The following PCDH7 variants were observed in gnomAD, a reference collection of about 807,000 sequenced individuals.
The protein encoded by PCDH7 is protocadherin 7.
Under a neutral mutation model 58.9 loss-of-function variants are expected in PCDH7, and 17 were observed. That is an observed-to-expected ratio of 0.29 (90% CI 0.20 to 0.43). PCDH7 has a LOEUF of 0.43. PCDH7 is among the 20% of genes least tolerant of loss of function. PCDH7 has a pLI of 1.00. For synonymous variants in PCDH7, 664 were observed against 616.4 expected (o/e 1.08, Z -1.14); for missense variants, 1,274 against 1,441.0 (o/e 0.88, Z 1.88).
At chr4:30,962,872 AT>A (rs1178112363) in intron 3 of PCDH7, among the ~76,000 whole-genome samples, 2 of 150,898 alleles carry the variant, frequency 1.3e-5, no homozygotes, top group Non-Finnish European at 2.9e-5. Context: ...TTGACTTAAT[AT>A]TAGTACGTAT....
intron 1 of PCDH7, among the ~76,000 whole-genome samples, chr4:30,828,759 T>C (rs1729411353): frequency 6.6e-6 from 1 of 152,076 alleles, no homozygotes; most frequent in Admixed American, 6.6e-5. Flanking sequence ...TGTGCAATTA[T>C]GGCTGCTGAA....
At chr4:31,048,170 T>C (rs781673068) in intron 3 of PCDH7, among the ~76,000 whole-genome samples, 3 of 151,990 alleles carry the variant, frequency 2.0e-5, no homozygotes, top group Non-Finnish European at 4.4e-5. Flanking sequence ...ATATGTAAAA[T>C]AAATTTATTA....
intron 3 of PCDH7, among the ~76,000 whole-genome samples, chr4:31,061,640 A>C (rs1317924914): frequency 6.6e-6 from 1 of 151,802 alleles, no homozygotes; most frequent in Non-Finnish European, 1.5e-5. Flanking sequence ...AGTTAAAAGA[A>C]TGTTTTAACA....
intron 1 of PCDH7, among the ~76,000 whole-genome samples, chr4:30,860,897 A>G (rs1297324523): frequency 6.6e-6 from 1 of 152,110 alleles, no homozygotes; most frequent in Non-Finnish European, 1.5e-5. Flanking sequence ...GTATGCTGTC[A>G]TCTGCTTTTG....
intron 1 of PCDH7, among the ~76,000 whole-genome samples, chr4:30,730,594 C>T (rs958802355): frequency 2.0e-5 from 3 of 152,080 alleles, no homozygotes; most frequent in African/African-American, 7.2e-5. Flanking sequence ...TCCCCCACCC[C>T]CCAAGTGTAT....
At chr4:30,793,481 G>A (rs1305016341) in intron 1 of PCDH7, among the ~76,000 whole-genome samples, 2 of 151,762 alleles carry the variant, frequency 1.3e-5, no homozygotes, top group South Asian at 2.1e-4. Flanking sequence ...TTAGCATGAT[G>A]TTTCATGTTG....
At chr4:30,724,736 A>G (rs1014400121) in intron 1 of PCDH7, 140 bp downstream of exon 1, 2 of 1,449,464 alleles carry the variant, frequency 1.4e-6, no homozygotes, top group Admixed American at 2.8e-5. Context: ...TAATTTTTGC[A>G]CCATTAATTT....
chr4:31,129,091 A>T (rs1017431124), intron 3 of PCDH7, among the ~76,000 whole-genome samples: 3 of 152,196 alleles, frequency 2.0e-5, no homozygotes, highest in African/African-American at 7.2e-5. Flanking sequence ...TCATTCAACC[A>T]TTCAACAGGC....
At position 30,723,172 on chromosome 4, in the gene PCDH7, A is replaced by G. The variant is rs1344561410; in HGVS notation, c.1750A>G (p.Ile584Val). 3 of 1,614,138 alleles carry G rather than the reference A, an allele frequency of 1.9e-6. No individual in the cohort carries two copies. The Admixed American group carries it at 5.0e-5, about 27-fold the overall frequency. ...CTCCTCTGTGATGGGGATCTTTGCC[A>G]TCGATCCCGATTCTGGGGACATCCT... The change falls in exon 1 of 2, where the codon ATC (isoleucine) becomes GTC (valine). Residue 584 changes from isoleucine (I) to valine (V), a missense_variant. Around this residue, in one of 3 missense-constraint regions of PCDH7, gnomAD observed 731 missense variants for 881.9 expected, o/e 0.83. Transcript: ENST00000361762. The surrounding 1 kb of genome is among the most constrained non-coding windows in gnomAD (Gnocchi z 4.6).
chr4:31,029,978 G>A (rs1021501128), intron 3 of PCDH7, among the ~76,000 whole-genome samples: 3 of 152,130 alleles, frequency 2.0e-5, no homozygotes, highest in African/African-American at 7.2e-5. Context: ...GTTCTAACAA[G>A]TCTTGAAGAA....
At chr4:30,971,370 C>A (rs1331063945) in intron 3 of PCDH7, among the ~76,000 whole-genome samples, 2 of 152,252 alleles carry the variant, frequency 1.3e-5, no homozygotes, top group African/African-American at 4.8e-5. Flanking sequence ...GGAAAATAAA[C>A]CCAAACACCT....
chr4:30,895,351 T>A (rs911075905), intron 1 of PCDH7, among the ~76,000 whole-genome samples: 1 of 152,088 alleles, frequency 6.6e-6, no homozygotes, highest in East Asian at 1.9e-4. Context: ...AGTTTAAGTA[T>A]CTTCAGGTAA....
At chr4:30,971,725 C>T (rs755994278) in intron 3 of PCDH7, among the ~76,000 whole-genome samples, 1 of 152,084 alleles carries the variant, frequency 6.6e-6, no homozygotes, top group African/African-American at 2.4e-5. Flanking sequence ...CAACCATGAG[C>T]ACACCATTAA....
At chr4:30,811,988 C>T (rs185891933) in intron 1 of PCDH7, among the ~76,000 whole-genome samples, 18 of 152,254 alleles carry the variant, frequency 1.2e-4, no homozygotes, top group Admixed American at 2.0e-4. Context: ...ATGCACAAGA[C>T]GCGGTCCTCA....
chr4:30,764,364 T>A (rs919331469), intron 1 of PCDH7, among the ~76,000 whole-genome samples: 1 of 152,168 alleles, frequency 6.6e-6, no homozygotes, highest in African/African-American at 2.4e-5. Flanking sequence ...CTTTACCATA[T>A]AGTTTTAATT....
At chr4:30,993,046 G>A (rs1036068889) in intron 3 of PCDH7, among the ~76,000 whole-genome samples, 15 of 151,994 alleles carry the variant, frequency 9.9e-5, no homozygotes, top group Non-Finnish European at 1.8e-4. Context: ...TGATCTGCCC[G>A]TCTTGGCCTC....
At chr4:30,864,272 G>A (rs897458009) in intron 1 of PCDH7, among the ~76,000 whole-genome samples, 3 of 151,826 alleles carry the variant, frequency 2.0e-5, no homozygotes, top group Admixed American at 6.6e-5. Context: ...AGTACATCCC[G>A]AATATGAGAC....
intron 1 of PCDH7, among the ~76,000 whole-genome samples, chr4:30,851,958 C>CT (rs998368049): frequency 6.6e-6 from 1 of 151,950 alleles, no homozygotes; most frequent in African/African-American, 2.4e-5. Flanking sequence ...AACTCAGTGG[C>CT]TTTTTTCAAA....
chr4:31,039,287 T>G (rs1755657477), intron 3 of PCDH7, among the ~76,000 whole-genome samples: 1 of 152,256 alleles, frequency 6.6e-6, no homozygotes, highest in Non-Finnish European at 1.5e-5. Context: ...AGAGCTGCTC[T>G]AAAGGCTGAA....
Sources: gnomAD v4.1 joint callset for allele counts (sites outside exome capture counted in the v4.1 genomes callset) on GRCh38, gnomAD v4.1.1 for gene constraint, gnomAD v4.1.1 regional missense constraint, Gnocchi (gnomAD v3.1) non-coding constraint, MANE v1.5 for transcripts, NCBI Gene and HGNC (gene_info 2026-07-23, HGNC 2026-07-21) for gene names.